The following PTPRD variants were observed in gnomAD, a reference collection of about 807,000 sequenced individuals.
The protein encoded by PTPRD is protein tyrosine phosphatase receptor type D.
In PTPRD, 34 loss-of-function variants were observed where a neutral mutation model predicts 214.5. The observed-to-expected ratio is 0.16, with a 90% CI of 0.12 to 0.21. The LOEUF is 0.21. Ranked by LOEUF, PTPRD falls within the 10% of genes least tolerant of loss-of-function variation. PTPRD has a pLI of 1.00. For synonymous variants in PTPRD, 1,128 were observed against 845.7 expected, an observed-to-expected ratio of 1.33 and a Z score of -5.79; for missense variants, 2,545 against 2,398.7, an observed-to-expected ratio of 1.06 and a Z score of -1.27.
At chr9:8,320,706 C>A (rs1211288930) in intron 44 of PTPRD, among the ~76,000 whole-genome samples, 2 of 152,060 alleles carry the variant, frequency 1.3e-5, no homozygotes, top group Non-Finnish European at 2.9e-5. Flanking sequence ...ACCATTTTTA[C>A]ATGATCAGCA....
At chr9:8,925,727 T>G (rs889165122) in intron 11 of PTPRD, among the ~76,000 whole-genome samples, 1 of 151,670 alleles carries the variant, frequency 6.6e-6, no homozygotes. Context: ...CACCGAGTAC[T>G]GTTCTGTTCA....
chr9:8,541,752 A>G (rs529416662), intron 14 of PTPRD, among the ~76,000 whole-genome samples: 64 of 152,294 alleles, frequency 4.2e-4, no homozygotes, highest in African/African-American at 1.3e-3. Context: ...TCAATTTATG[A>G]AACTGCCCAA....
intron 4 of PTPRD, among the ~76,000 whole-genome samples, chr9:9,975,577 C>T (rs533354040): frequency 6.6e-6 from 1 of 152,116 alleles, no homozygotes; most frequent in Non-Finnish European, 1.5e-5. Flanking sequence ...AAACAGAGTA[C>T]GTATTTTAAC....
At chr9:10,448,522 G>A (rs1003490686) in intron 2 of PTPRD, among the ~76,000 whole-genome samples, 9 of 151,952 alleles carry the variant, frequency 5.9e-5, no homozygotes, top group African/African-American at 2.2e-4. Flanking sequence ...AAATATAATA[G>A]GAAGTGGGTA....
intron 10 of PTPRD, among the ~76,000 whole-genome samples, chr9:9,124,451 T>G (rs545828817): frequency 6.6e-6 from 1 of 152,296 alleles, no homozygotes; most frequent in Non-Finnish European, 1.5e-5. Flanking sequence ...CTAATATGGT[T>G]GGTCAAAGAC....
chr9:10,081,341 A>G (rs1004716821), intron 3 of PTPRD, among the ~76,000 whole-genome samples: 3 of 152,098 alleles, frequency 2.0e-5, no homozygotes, highest in Non-Finnish European at 4.4e-5. Context: ...AGAAAAAGGC[A>G]ATGGGGGTTA....
intron 2 of PTPRD, among the ~76,000 whole-genome samples, chr9:10,493,673 C>G (rs2041112393): frequency 6.6e-6 from 1 of 151,856 alleles, no homozygotes; most frequent in African/African-American, 2.4e-5. Context: ...ATCAAACACT[C>G]CTATTCTTAT....
chr9:9,195,022 ATGTG>A (rs35104691), intron 9 of PTPRD, among the ~76,000 whole-genome samples: 1 of 149,034 alleles, frequency 6.7e-6, no homozygotes, highest in African/African-American at 2.5e-5. Flanking sequence ...TATGGTATAT[ATGTG>A]TGTGTGTGTA....
intron 8 of PTPRD, among the ~76,000 whole-genome samples, chr9:9,405,948 T>C (rs1338312595): frequency 1.3e-5 from 2 of 152,006 alleles, no homozygotes; most frequent in East Asian, 1.9e-4. Flanking sequence ...TTTACTAATC[T>C]GTTTGTGCTA....
chr9:9,785,273 A>T (rs2098913651), intron 5 of PTPRD, among the ~76,000 whole-genome samples: 1 of 152,026 alleles, frequency 6.6e-6, no homozygotes, highest in Non-Finnish European at 1.5e-5. Flanking sequence ...GGATACCAAA[A>T]TTACTGGGTG....
chr9:10,193,260 T>C (rs1340034495), intron 3 of PTPRD, among the ~76,000 whole-genome samples: 2 of 152,148 alleles, frequency 1.3e-5, no homozygotes, highest in Non-Finnish European at 2.9e-5. Flanking sequence ...CCAGGTTCTT[T>C]TCCTGAAAAT....
intron 9 of PTPRD, among the ~76,000 whole-genome samples, chr9:9,210,923 C>T (rs1236680606): frequency 6.6e-6 from 1 of 150,838 alleles, no homozygotes; most frequent in African/African-American, 2.4e-5. Context: ...GTTCTATTTT[C>T]CTATTTCTTA....
chr9:9,629,238 G>GTGTGTGTATATATATATATATATA (rs149327972), intron 7 of PTPRD, among the ~76,000 whole-genome samples: 16 of 140,366 alleles, frequency 1.1e-4, no homozygotes, highest in African/African-American at 4.2e-4. Flanking sequence ...GTGTGTGTGT[G>GTGTGTGTATATATATATATATATA]TATATATATA....
chr9:9,613,225 TAACA>T (rs1260719544), intron 7 of PTPRD, among the ~76,000 whole-genome samples: 2 of 143,082 alleles, frequency 1.4e-5, no homozygotes, highest in African/African-American at 5.1e-5. Context: ...TGAAATCATT[TAACA>T]AATATAAACA....
chr9:8,390,687 G>C (rs1432305951), intron 36 of PTPRD, among the ~76,000 whole-genome samples: 5 of 152,126 alleles, frequency 3.3e-5, no homozygotes, highest in Non-Finnish European at 5.9e-5. Flanking sequence ...GTGATTTAAA[G>C]CCTAGTTTTC....
intron 14 of PTPRD, among the ~76,000 whole-genome samples, chr9:8,609,870 G>T (rs551543287): frequency 6.2e-4 from 95 of 152,064 alleles, no homozygotes; most frequent in Admixed American, 1.8e-3. Flanking sequence ...ATAATATAAA[G>T]GAGAAAAAAT....
intron 9 of PTPRD, among the ~76,000 whole-genome samples, chr9:9,222,496 A>G (rs1032768492): frequency 5.3e-5 from 8 of 152,014 alleles, no homozygotes; most frequent in African/African-American, 1.9e-4. Flanking sequence ...TCAAAAATGT[A>G]GAGTTATGCC....
intron 9 of PTPRD, among the ~76,000 whole-genome samples, chr9:9,350,686 C>T (rs2050767381): frequency 6.6e-6 from 1 of 151,958 alleles, no homozygotes; most frequent in Admixed American, 6.6e-5. Context: ...TGTGGCCCTT[C>T]ACTCTGATTA....
chr9:10,182,730 T>A (rs560882668), intron 3 of PTPRD, among the ~76,000 whole-genome samples: 3 of 152,298 alleles, frequency 2.0e-5, no homozygotes, highest in African/African-American at 7.2e-5. Flanking sequence ...TATTAAGTTA[T>A]AAATAGAGAG....
Sources: gnomAD v4.1 joint callset for allele counts (sites outside exome capture counted in the v4.1 genomes callset) on GRCh38, gnomAD v4.1.1 for gene constraint, MANE v1.5 for transcripts, NCBI Gene and HGNC (gene_info 2026-07-23, HGNC 2026-07-21) for gene names.